The following YLPM1 variants were observed in gnomAD, a reference collection of about 807,000 sequenced individuals.
YLPM1 encodes the protein YLP motif containing 1, also known as YLP motif-containing protein 1.
Under a neutral mutation model 230.0 loss-of-function variants are expected in YLPM1, and 99 were observed. That is an observed-to-expected ratio of 0.43 (90% CI 0.37 to 0.51). YLPM1 has a LOEUF of 0.51. Among genes scored for constraint, YLPM1 ranks in the 20% least tolerant of loss-of-function variants. The pLI is 0.00. For missense variants in YLPM1, 2,592 were observed against 2,707.7 expected (o/e 0.96, Z 0.95); for synonymous variants, 984 against 942.5 (o/e 1.04, Z -0.81).
chr14:74,782,361 G>A (rs2091104535), intron 4 of YLPM1, 36 bp downstream of exon 4: 7 of 1,480,624 alleles, frequency 4.7e-6, no homozygotes, highest in Non-Finnish European at 5.3e-6. Flanking sequence ...TTTTTGGTTT[G>A]GCTATTTTAT....
chr14:74,820,580 T>C (rs1197803804), intron 16 of YLPM1, among the ~76,000 whole-genome samples: 1 of 152,192 alleles, frequency 6.6e-6, no homozygotes, highest in Admixed American at 6.5e-5. Context: ...TGACCTGTCA[T>C]GTAGTCAAGA....
In YLPM1 at chr14:74,798,950, T is replaced by G; in HGVS notation, c.3653T>G (p.Leu1218Arg). Residue 1218 changes from leucine to arginine, a missense_variant, in exon 5 of 21, where the codon CTC (leucine) becomes CGC (arginine). By Grantham distance (102) the Leu-to-Arg change is moderately radical (BLOSUM62 -2). Coordinates refer to ENST00000325680, the MANE Select transcript of YLPM1 (RefSeq NM_019589.3). ...AATGCTCCAATGGAACGAGAAAGAC[T>G]CGATGACTGGGATAGAGAGAGATAC... ...GRNAPMERER[L>R]DDWDRERYWR... 6.2e-7 allele frequency: 1 copy of G among 1,613,702 alleles called. No individual in the cohort carries two copies. The highest frequency in any genetic ancestry group is 8.5e-7 in the Non-Finnish European group (1 of 1,179,806).
At chr14:74,806,146 C>T (rs2140120286) in intron 6 of YLPM1, among the ~76,000 whole-genome samples, 1 of 151,660 alleles carries the variant, frequency 6.6e-6, no homozygotes, top group African/African-American at 2.4e-5. Context: ...CACAAGAGGT[C>T]AGGAGTTCCA....
At chr14:74,791,569 T>A (rs1241900349) in intron 4 of YLPM1, among the ~76,000 whole-genome samples, 1 of 152,270 alleles carries the variant, frequency 6.6e-6, no homozygotes, top group Non-Finnish European at 1.5e-5. Context: ...TTGCTTTATT[T>A]ATTCCTATTT....
At position 74,808,868 on chromosome 14, in the gene YLPM1, T is replaced by C. The variant is rs180878447; in HGVS notation, c.4522-512T>C. ...GAAATTGGCAAAGCATTTTCTATAG[T>C]GGCACCATTTATTCCCACTAACAAT... On this transcript the variant is annotated intron_variant, in intron 6 of 20. Transcript: ENST00000325680. Among the ~76,000 whole-genome samples the C allele has an allele frequency of 3.0e-3, 461 of 152,200 alleles. 1 individual carries two copies. Among genetic ancestry groups the C allele is most frequent in the African/African-American group, 0.011 (446 of 41,532 alleles).
chr14:74,815,765 C>G (rs2091473566), intron 11 of YLPM1, among the ~76,000 whole-genome samples: 1 of 151,882 alleles, frequency 6.6e-6, no homozygotes, highest in African/African-American at 2.4e-5. Context: ...AGACCTATTT[C>G]TTTCCTACTA....
chr14:74,811,393 G>T (rs2091433042), intron 9 of YLPM1, among the ~76,000 whole-genome samples: 1 of 152,152 alleles, frequency 6.6e-6, no homozygotes, highest in African/African-American at 2.4e-5. Flanking sequence ...TGAGATGGGA[G>T]GATTGCTTGA....
rs761996886 is a variant in YLPM1 at position 74,799,214 on chromosome 14, A to G, written c.3917A>G (p.Asn1306Ser). The G allele has an allele frequency of 5.6e-6, 9 of 1,613,994 alleles. No homozygotes were observed. The highest frequency in any genetic ancestry group is 8.5e-7 in the Non-Finnish European group (1 of 1,179,890). Residue 1306 changes from asparagine to serine, a missense_variant, in exon 5 of 21, where the codon AAT becomes AGT. Asn to Ser is a conservative substitution (Grantham distance 46). Coordinates refer to ENST00000325680, the MANE Select transcript of YLPM1 (RefSeq NM_019589.3). Reference sequence around the variant, plus strand: ...GATATGTATGATAGAAGTTTGGATAATGAGTGGGACAGAGATTATGGGAGA... The same window carrying G: ...GATATGTATGATAGAAGTTTGGATAGTGAGTGGGACAGAGATTATGGGAGA... ...PMDMYDRSLD[N>S]EWDRDYGRPL...
At chr14:74,796,074 T>C (rs184703202) in intron 4 of YLPM1, among the ~76,000 whole-genome samples, 3 of 152,306 alleles carry the variant, frequency 2.0e-5, no homozygotes, top group Admixed American at 6.5e-5. Flanking sequence ...GCAAGAGATA[T>C]TGAGAAAGAG....
chr14:74,788,129 C>CT (rs1280470085), intron 4 of YLPM1, among the ~76,000 whole-genome samples: 10 of 135,468 alleles, frequency 7.4e-5, no homozygotes, highest in Admixed American at 5.2e-4. Context: ...TTTTTTTTTT[C>CT]TTTTTTTTTG....
chr14:74,782,107 G>T lies in YLPM1; in HGVS notation c.2064G>T (p.Pro688=), dbSNP rs749735666. ...CCCCACCGACAACTTACCATCCTCC[G>T]TTGCAATCAGCTGGTCCATCAGAAC... ...GSAPPTTYHP[P]LQSAGPSEQV... The change falls in exon 4 of 21, where the codon CCG becomes CCT. Residue 688 remains proline (P), a synonymous_variant. Coordinates refer to ENST00000325680, the MANE Select transcript of YLPM1 (RefSeq NM_019589.3). 1 of 1,613,760 alleles carries T rather than the reference G, an allele frequency of 6.2e-7. No homozygotes were observed. Among genetic ancestry groups the T allele is most frequent in the Non-Finnish European group, 8.5e-7 (1 of 1,179,840 alleles).
Position 74,791,984 on chromosome 14 carries a change from T to C in YLPM1, c.2283-5596T>C, listed in dbSNP as rs371989154. Among the ~76,000 whole-genome samples, 42 of 152,374 alleles carry C rather than the reference T, an allele frequency of 2.8e-4. No individual in the cohort carries two copies. The South Asian group carries it at 4.3e-3, about 16-fold the overall frequency. ...GAAGATAGTCTTCTTTTATCACTTA[T>C]GTGAACAAATAATTGCTACATTTAA... is the stretch of plus-strand genomic sequence containing the variant. On this transcript the variant is annotated intron_variant, in intron 4 of 20. Transcript: ENST00000325680.
Position 74,763,875 on chromosome 14 carries a change from A to G in YLPM1, c.386A>G (p.His129Arg), listed in dbSNP as rs1336391475. 1 of 1,545,320 alleles carries G rather than the reference A, an allele frequency of 6.5e-7. No homozygotes were observed. Among genetic ancestry groups the G allele is most frequent in the Non-Finnish European group, 8.7e-7 (1 of 1,147,488 alleles). ...KQQQYKHQMLHHQRDGPPGLV... is the reference protein window; with the variant it reads ...KQQQYKHQMLRHQRDGPPGLV... The stretch of plus-strand genomic sequence containing the variant: ...CAGCAGTACAAACACCAGATGCTCC[A>G]CCACCAACGAGACGGGCCTCCTGGT... Residue 129 changes from histidine (H) to arginine (R), a missense_variant, in exon 1 of 21, where the codon CAC becomes CGC. This residue lies in a region of YLPM1 where 1,862 missense variants were observed against 1,819.8 expected (regional missense o/e 1.02). Transcript: ENST00000325680.
rs200074627 is a variant in YLPM1, at chr14:74,763,852, G to A, written c.363G>A (p.Gln121=). ...CGGCCCTCAGCTATCAGAAGCAGCAGCAGTACAAACACCAGATGCTCCACC... is the reference window on the plus strand; with the variant it reads ...CGGCCCTCAGCTATCAGAAGCAGCAACAGTACAAACACCAGATGCTCCACC... ...PGPALSYQKQ[Q]QYKHQMLHHQ... is the part of the protein sequence containing the mutation. Residue 121 remains glutamine (Q), a synonymous_variant, in exon 1 of 21, where the codon CAG becomes CAA. Transcript: ENST00000325680. The A allele has an allele frequency of 2.8e-4, 421 of 1,524,256 alleles. No homozygotes were observed. The highest frequency in any genetic ancestry group is 3.5e-4 in the Non-Finnish European group (393 of 1,135,694). 94.4% of individuals were successfully genotyped at this position (1,524,256 alleles called of 1,614,324 possible). A position where few individuals can be genotyped will look rare whatever the true frequency, so the allele number is the denominator to read the frequency against.
chr14:74,798,660 G>C lies in YLPM1; in HGVS notation c.3363G>C (p.Glu1121Asp). The C allele has an allele frequency of 1.2e-6, 2 of 1,611,992 alleles. No individual in the cohort carries two copies. The highest frequency in any genetic ancestry group is 8.5e-7 in the Non-Finnish European group (1 of 1,178,714). The change falls in exon 5 of 21, where the codon GAG becomes GAC. Residue 1121 changes from glutamate to aspartate, a missense_variant. This residue lies in a region of YLPM1 where 1,862 missense variants were observed against 1,819.8 expected (regional missense o/e 1.02). Transcript: ENST00000325680. The stretch of plus-strand genomic sequence containing the variant: ...CACCTCGGAGGGCTGGCAGTCAGGA[G>C]AGGGGACCTCTTCGAAGGGCTGGGA... The part of the protein sequence containing the change: ...RGPPRRAGSQ[E>D]RGPLRRAGSR...
chr14:74,790,849 G>GAT (rs2091199762), intron 4 of YLPM1, among the ~76,000 whole-genome samples: 1 of 152,234 alleles, frequency 6.6e-6, no homozygotes, highest in African/African-American at 2.4e-5. Flanking sequence ...AGTATCTCTT[G>GAT]ATATATTTGT....
chr14:74,786,170 T>TGGTC (rs1274789655), intron 4 of YLPM1, among the ~76,000 whole-genome samples: 21 of 152,120 alleles, frequency 1.4e-4, no homozygotes. Flanking sequence ...GAGACCAGCC[T>TGGTC]GGTCAATATG....
chr14:74,815,612 G>A (rs773163479), intron 11 of YLPM1, among the ~76,000 whole-genome samples: 14 of 151,124 alleles, frequency 9.3e-5, no homozygotes, highest in Non-Finnish European at 1.5e-4. Flanking sequence ...CCACCGTTTG[G>A]TTTTATTGAC....
chr14:74,787,042 C>T (rs1199335513), intron 4 of YLPM1, among the ~76,000 whole-genome samples: 1 of 152,072 alleles, frequency 6.6e-6, no homozygotes, highest in East Asian at 1.9e-4. Flanking sequence ...TTTACATTTC[C>T]CTGATGACTA....
Sources: allele counts gnomAD v4.1 joint callset (sites outside exome capture counted in the v4.1 genomes callset), GRCh38; gene constraint gnomAD v4.1.1; regional missense constraint gnomAD v4.1.1; transcripts MANE v1.5; gene names NCBI Gene and HGNC (gene_info 2026-07-23, HGNC 2026-07-21).